SLC6A14: variants seen among roughly 807,000 people sequenced by gnomAD.
SLC6A14 encodes sodium- and chloride-dependent neutral and basic amino acid transporter B(0+).
SLC6A14 carries 21 observed loss-of-function variants against 51.4 expected under a neutral mutation model. The ratio of observed to expected loss-of-function variants is 0.41; its 90% CI spans 0.29 to 0.59. The LOEUF (loss-of-function observed/expected upper bound fraction) is 0.59, where lower values mean the gene tolerates loss of function less well. SLC6A14 is among the 20% of genes least tolerant of loss of function. The pLI is 0.31. For missense variants in SLC6A14, 371 were observed against 472.8 expected (o/e 0.78, Z 2.00); for synonymous variants, 177 against 160.7 (o/e 1.10, Z -0.77).
intron 3 of SLC6A14, among the ~76,000 whole-genome samples, chrX:116,442,027 A>G (rs1158627468): frequency 9.0e-6 from 1 of 111,521 alleles, no homozygotes; most frequent in Non-Finnish European, 1.9e-5. Context: ...TCGACTTTGC[A>G]TGATCTGACA....
At chrX:116,440,333 G>T (rs1447742205) in intron 2 of SLC6A14, among the ~76,000 whole-genome samples, 2 of 112,308 alleles carry the variant, frequency 1.8e-5, no homozygotes, top group Non-Finnish European at 3.8e-5. Context: ...AATACATTTT[G>T]TATTAACATT....
chrX:116,454,845 C>T (rs1397706955), intron 10 of SLC6A14, 132 bp from the exon 11 acceptor site: 2 of 477,483 alleles, frequency 4.2e-6, no homozygotes, highest in Admixed American at 4.1e-5. Flanking sequence ...TGAAACATTG[C>T]TTTTCGCATT....
intron 2 of SLC6A14, among the ~76,000 whole-genome samples, chrX:116,438,712 A>G (rs906869619): frequency 8.0e-5 from 9 of 111,993 alleles, no homozygotes; most frequent in African/African-American, 1.9e-4. Context: ...CACTTACACC[A>G]TATTTTATTT....
chrX:116,452,533 C>T lies in SLC6A14; in HGVS notation c.1160-484C>T, dbSNP rs546239087. Among the ~76,000 whole-genome samples the T allele has an allele frequency of 7.2e-5, 8 of 111,643 alleles. No homozygotes were observed. In the South Asian group the frequency reaches 2.6e-3, roughly 36 times the overall value. ...ATTTAATTTATAGTTTCATTACATA[C>T]GATTTTGCATATATGCATATAGTGA... On this transcript the variant is annotated intron_variant, in intron 8 of 13. Coordinates refer to ENST00000598581, the MANE Select transcript of SLC6A14 (RefSeq NM_007231.5).
At chrX:116,444,824 G>C in intron 5 of SLC6A14, 94 bp from the exon 6 acceptor site, 3 of 921,470 alleles carry the variant, frequency 3.3e-6, no homozygotes, top group Non-Finnish European at 4.7e-6. Context: ...CAATATTCAT[G>C]AAGCTTCGAC....
At chrX:116,442,336 C>G (rs1309855196) in intron 3 of SLC6A14, among the ~76,000 whole-genome samples, 1 of 111,909 alleles carries the variant, frequency 8.9e-6, no homozygotes, top group African/African-American at 3.3e-5. Context: ...TGGATCTAGG[C>G]TCACAGCAAC....
rs782272273 is a variant in SLC6A14, at chrX:116,453,012, C to T, written c.1160-5C>T. On this transcript the variant is annotated splice_region_variant and splice_polypyrimidine_tract_variant and intron_variant, in intron 8 of 13. Coordinates refer to ENST00000598581, the MANE Select transcript of SLC6A14 (RefSeq NM_007231.5). ...CTAATTTATAATATCATACATGTTT[C>T]GTAGGTTTTGATTTGGCATTCATTG... is the stretch of plus-strand genomic sequence containing the variant. The T allele has an allele frequency of 1.8e-4, 213 of 1,167,907 alleles. No individual in the cohort carries two copies. The highest frequency in any genetic ancestry group is 2.3e-4 in the Non-Finnish European group (196 of 870,458).
At position 116,442,766 on chromosome X, in the gene SLC6A14, C is replaced by T; in HGVS notation, c.426C>T (p.Tyr142=). ...YNVIIAYSLY[Y]MFASFQSELP... ...TCATAATTGCCTATAGTCTTTACTACATGTTTGCTTCTTTTCAAAGTGAAC... is the reference window on the plus strand; with the variant it reads ...TCATAATTGCCTATAGTCTTTACTATATGTTTGCTTCTTTTCAAAGTGAAC... The change falls in exon 4 of 14, where the codon TAC becomes TAT. Residue 142 remains tyrosine, a synonymous_variant. Transcript: ENST00000598581. The T allele has an allele frequency of 8.4e-7, 1 of 1,190,304 alleles. No individual in the cohort carries two copies. The highest frequency in any genetic ancestry group is 2.3e-5 in the Admixed American group (1 of 42,588).
At chrX:116,437,181 C>G (rs1556693341) in intron 1 of SLC6A14, among the ~76,000 whole-genome samples, 1 of 111,757 alleles carries the variant, frequency 8.9e-6, no homozygotes, top group Non-Finnish European at 1.9e-5. Flanking sequence ...GAGAATTTGT[C>G]TCTGCATATT....
Position 116,451,489 on chromosome X carries a change from T to C in SLC6A14, c.978T>C (p.Ala326=), listed in dbSNP as rs1366190726. ...ATQIFYSLSV[A]WGGLVALSSY... is the part of the protein sequence containing the mutation. ...AGATATTTTACTCCCTTTCAGTGGC[T>C]TGGGGTGGCTTAGTTGCTCTATCAT... Residue 326 remains alanine, a synonymous_variant, in exon 8 of 14, where the codon GCT becomes GCC. Transcript: ENST00000598581. The C allele has an allele frequency of 1.7e-6, 2 of 1,208,882 alleles. No homozygotes were observed. The highest frequency in any genetic ancestry group is 2.2e-6 in the Non-Finnish European group (2 of 894,490).
At chrX:116,452,659 A>G (rs1927845858) in intron 8 of SLC6A14, among the ~76,000 whole-genome samples, 2 of 112,060 alleles carry the variant, frequency 1.8e-5, no homozygotes, top group Non-Finnish European at 3.8e-5. Flanking sequence ...AGGCTAAGAT[A>G]ATGTGAACTA....
intron 2 of SLC6A14, among the ~76,000 whole-genome samples, chrX:116,439,149 T>C (rs1175199722): frequency 3.6e-5 from 4 of 111,757 alleles, no homozygotes; most frequent in Non-Finnish European, 1.9e-5. Context: ...CTTGACATCA[T>C]ACATAGGCCC....
chrX:116,447,886 C>T (rs1319587446), intron 7 of SLC6A14, among the ~76,000 whole-genome samples: 2 of 111,378 alleles, frequency 1.8e-5, no homozygotes, highest in Non-Finnish European at 3.8e-5. Context: ...TGTGAGCCAC[C>T]GCACCTGGCC....
chrX:116,447,598 T>C (rs1237973181), intron 7 of SLC6A14, among the ~76,000 whole-genome samples: 9 of 108,425 alleles, frequency 8.3e-5, no homozygotes, highest in African/African-American at 3.1e-4. Context: ...CTTCTTTTTT[T>C]TTTTTTCTTT....
chrX:116,445,888 A>G (rs1470139920), intron 6 of SLC6A14, among the ~76,000 whole-genome samples: 1 of 111,465 alleles, frequency 9.0e-6, no homozygotes, highest in Non-Finnish European at 1.9e-5. Context: ...TTAAGTTGTG[A>G]TGAGACATGC....
Position 116,442,683 on chromosome X carries a change from C to T in SLC6A14, c.347-4C>T. ...TTTTATTTTAATTGTTCTTTTTTTT[C>T]CAGGTGTGGGAATTACAATGGTCCT... On this transcript the variant is annotated splice_region_variant and splice_polypyrimidine_tract_variant and intron_variant, in intron 3 of 13. Coordinates refer to ENST00000598581, the MANE Select transcript of SLC6A14 (RefSeq NM_007231.5). The T allele has an allele frequency of 6.5e-6, 7 of 1,072,958 alleles. No homozygotes were observed. Among genetic ancestry groups the T allele is most frequent in the Middle Eastern group, 2.9e-4 (1 of 3,456 alleles). The allele number at this position is 1,072,958 out of a possible 1,213,427, so 88.4% of individuals were successfully genotyped here.
At chrX:116,458,051 G>A (rs782753203) in intron 13 of SLC6A14, among the ~76,000 whole-genome samples, 2 of 111,717 alleles carry the variant, frequency 1.8e-5, no homozygotes, top group Admixed American at 1.9e-4. Flanking sequence ...CCTTGCTACG[G>A]TGCTTAGCAT....
Position 116,457,634 on chromosome X carries a change from A to T in SLC6A14, c.1640A>T (p.Gln547Leu), listed in dbSNP as rs1556694859. 2 of 1,208,215 alleles carry T rather than the reference A, an allele frequency of 1.7e-6. No individual in the cohort carries two copies. The highest frequency in any genetic ancestry group is 2.2e-5 in the Admixed American group (1 of 45,829). Residue 547 changes from glutamine to leucine, a missense_variant, in exon 13 of 14, where the codon CAA (glutamine) becomes CTA (leucine). Around this residue, in one of 2 missense-constraint regions of SLC6A14, gnomAD observed 94 missense variants for 81.0 expected, o/e 1.16. Coordinates refer to ENST00000598581, the MANE Select transcript of SLC6A14 (RefSeq NM_007231.5). ...LIAIFIWSLV[Q>L]FHRPNYGAIP... ...GCAATATTTATCTGGTCATTGGTGC[A>T]ATTTCATAGACCTAATTATGGCGCA...
chrX:116,436,811 A>AG (rs1927491392), intron 1 of SLC6A14, 54 bp downstream of exon 1: 2 of 1,071,423 alleles, frequency 1.9e-6, no homozygotes, highest in Non-Finnish European at 1.3e-6. Flanking sequence ...GGAAAACTTA[A>AG]GGGGGGTTGC....
Sources: allele counts gnomAD v4.1 joint callset (sites outside exome capture counted in the v4.1 genomes callset), GRCh38; gene constraint gnomAD v4.1.1; regional missense constraint gnomAD v4.1.1; transcripts MANE v1.5; gene names NCBI Gene and HGNC (gene_info 2026-07-23, HGNC 2026-07-21).